Variants in CADM2 observed in about 807,000 individuals in gnomAD.
CADM2 encodes the protein cell adhesion molecule 2, also known as immunoglobulin superfamily member 4D.
A neutral mutation model predicts 49.8 loss-of-function variants in CADM2; 12 were observed. The observed-to-expected ratio is 0.24, with a 90% CI of 0.15 to 0.39. The LOEUF is 0.39. Among genes scored for constraint, CADM2 ranks in the 10% least tolerant of loss-of-function variants. CADM2 has a pLI of 1.00. For synonymous variants in CADM2, 214 were observed against 175.4 expected (o/e 1.22, Z -1.74); for missense variants, 378 against 492.3 (o/e 0.77, Z 2.20).
chr3:85,007,179 A>G lies in CADM2; in HGVS notation c.61+47511A>G, dbSNP rs116833475. Among the ~76,000 whole-genome samples the G allele has an allele frequency of 6.1e-3, 931 of 152,272 alleles. 15 individuals carry two copies. The highest frequency in any genetic ancestry group is 0.021 in the African/African-American group (892 of 41,578). On this transcript the variant is annotated intron_variant, in intron 1 of 9. Transcript: ENST00000383699. ...AATACTTTTAGTTGTTAGAATTTTA[A>G]TTATTTAGAAAAAATTCTCGAATCA...
At chr3:85,716,022 G>A (rs970276207) in intron 1 of CADM2, among the ~76,000 whole-genome samples, 3 of 152,180 alleles carry the variant, frequency 2.0e-5, no homozygotes, top group Non-Finnish European at 4.4e-5. Context: ...TATATACCCA[G>A]TAATGGGATT....
intron 1 of CADM2, among the ~76,000 whole-genome samples, chr3:85,029,091 T>C (rs2034865161): frequency 6.6e-6 from 1 of 151,962 alleles, no homozygotes; most frequent in Non-Finnish European, 1.5e-5. Context: ...TTGTAAGCTT[T>C]AGTTATTAAG....
At chr3:85,575,953 G>C (rs148145071) in intron 1 of CADM2, among the ~76,000 whole-genome samples, 16 of 152,216 alleles carry the variant, frequency 1.1e-4, no homozygotes, top group African/African-American at 3.9e-4. Flanking sequence ...TAACCTTTTT[G>C]AACCTCAGTG....
In CADM2 at chr3:85,939,566, C is replaced by T. The variant is rs78659902; in HGVS notation, c.791+3709C>T. On this transcript the variant is annotated intron_variant, in intron 7 of 9. Coordinates refer to ENST00000383699, the MANE Select transcript of CADM2 (RefSeq NM_001167675.2). Reference sequence around the variant, plus strand: ...AAATGGTGTGAGGTTGCCCCCAACACGCTGTAAATAATGAGTCATCATTCA... The same window carrying T: ...AAATGGTGTGAGGTTGCCCCCAACATGCTGTAAATAATGAGTCATCATTCA... Among the ~76,000 whole-genome samples the T allele has an allele frequency of 9.7e-3, 1,473 of 151,262 alleles. 30 individuals are homozygous for T. Among genetic ancestry groups the T allele is most frequent in the East Asian group, 0.045 (228 of 5,092 alleles).
intron 1 of CADM2, among the ~76,000 whole-genome samples, chr3:85,086,991 G>A (rs958635159): frequency 6.6e-6 from 1 of 152,154 alleles, no homozygotes; most frequent in African/African-American, 2.4e-5. Flanking sequence ...TGGGAACCAG[G>A]AAATGGATGA....
At chr3:85,157,612 G>A (rs2040174746) in intron 1 of CADM2, among the ~76,000 whole-genome samples, 1 of 152,086 alleles carries the variant, frequency 6.6e-6, no homozygotes, top group Non-Finnish European at 1.5e-5. Context: ...TTTAATAAAT[G>A]GTGCTGGGAA....
intron 6 of CADM2, among the ~76,000 whole-genome samples, chr3:85,929,395 T>G (rs1323721159): frequency 1.3e-5 from 2 of 152,134 alleles, no homozygotes; most frequent in Non-Finnish European, 2.9e-5. Flanking sequence ...ATAAAACATA[T>G]TCACAGAAAA....
chr3:85,035,231 G>T (rs1193600875), intron 1 of CADM2, among the ~76,000 whole-genome samples: 5 of 152,010 alleles, frequency 3.3e-5, no homozygotes, highest in African/African-American at 4.8e-5. Context: ...TTTGATAATT[G>T]TCTATTCATA....
intron 1 of CADM2, among the ~76,000 whole-genome samples, chr3:85,472,545 C>T (rs766777786): frequency 4.6e-4 from 70 of 151,850 alleles, no homozygotes; most frequent in East Asian, 1.9e-4. Flanking sequence ...AATATACTTT[C>T]GTTGAAATTA....
chr3:85,294,553 C>G (rs564938124), intron 1 of CADM2, among the ~76,000 whole-genome samples: 1 of 152,090 alleles, frequency 6.6e-6, no homozygotes, highest in Non-Finnish European at 1.5e-5. Flanking sequence ...TACAAGGCTA[C>G]AGTACCCAAA....
At chr3:85,412,554 C>A (rs1344795072) in intron 1 of CADM2, among the ~76,000 whole-genome samples, 1 of 147,982 alleles carries the variant, frequency 6.8e-6, no homozygotes, top group Admixed American at 6.7e-5. Flanking sequence ...TTTTCTGTAT[C>A]ATGCTTTTGC....
chr3:85,234,589 A>C (rs896641995), intron 1 of CADM2, among the ~76,000 whole-genome samples: 1 of 152,130 alleles, frequency 6.6e-6, no homozygotes, highest in Non-Finnish European at 1.5e-5. Flanking sequence ...AGAATTGCCA[A>C]CTGCTGTATA....
intron 1 of CADM2, among the ~76,000 whole-genome samples, chr3:85,031,002 A>G (rs574741399): frequency 1.5e-4 from 23 of 152,298 alleles, no homozygotes; most frequent in African/African-American, 5.5e-4. Context: ...ACTACAGACC[A>G]GTAATTGTGG....
intron 5 of CADM2, among the ~76,000 whole-genome samples, chr3:85,898,955 ATTTTTTTTTTTTT>A (rs35857247): frequency 2.9e-5 from 1 of 33,908 alleles, no homozygotes; most frequent in Non-Finnish European, 4.8e-5. Flanking sequence ...ATATATATAT[ATTTTTTTTTTTTT>A]TTTTTTTTTT....
chr3:85,198,167 G>T (rs1414403789), intron 1 of CADM2, among the ~76,000 whole-genome samples: 2 of 151,704 alleles, frequency 1.3e-5, no homozygotes, highest in African/African-American at 4.8e-5. Flanking sequence ...CTAATTAACA[G>T]AATTATAATT....
chr3:86,053,713 G>A (rs1392069169), intron 8 of CADM2, among the ~76,000 whole-genome samples: 1 of 151,860 alleles, frequency 6.6e-6, no homozygotes, highest in African/African-American at 2.4e-5. Context: ...GCAGTTAGGA[G>A]CTTGGACAAT....
chr3:85,448,977 G>A (rs1220813135), intron 1 of CADM2, among the ~76,000 whole-genome samples: 6 of 150,968 alleles, frequency 4.0e-5, no homozygotes, highest in Non-Finnish European at 5.9e-5. Context: ...TTGAACCCGG[G>A]AGGCGGAAGT....
intron 1 of CADM2, among the ~76,000 whole-genome samples, chr3:85,187,336 G>A (rs536654691): frequency 3.9e-4 from 59 of 152,072 alleles, no homozygotes; most frequent in Non-Finnish European, 7.5e-4. Context: ...TCTATACATT[G>A]AAAGTTTAAA....
chr3:85,915,462 A>T (rs1345868388), intron 6 of CADM2, among the ~76,000 whole-genome samples: 1 of 152,136 alleles, frequency 6.6e-6, no homozygotes, highest in Non-Finnish European at 1.5e-5. Flanking sequence ...CGTGCAGAAC[A>T]TTCTCCGGAG....
Sources: allele counts gnomAD v4.1 joint callset (sites outside exome capture counted in the v4.1 genomes callset), GRCh38; gene constraint gnomAD v4.1.1; transcripts MANE v1.5; gene names NCBI Gene and HGNC (gene_info 2026-07-23, HGNC 2026-07-21).